NHSL1: variants seen among roughly 807,000 people sequenced by gnomAD.
NHSL1 encodes NHS-like protein 1.
Under a neutral mutation model 95.0 loss-of-function variants are expected in NHSL1, and 48 were observed. The ratio of observed to expected loss-of-function variants is 0.51; its 90% confidence interval spans 0.40 to 0.64. The LOEUF is 0.64. Ranked by LOEUF, NHSL1 falls within the 30% of genes least tolerant of loss-of-function variation. NHSL1 has a pLI of 0.00. For synonymous variants in NHSL1, 783 were observed against 833.9 expected (o/e 0.94, Z 1.05); for missense variants, 1,971 against 2,077.7 (o/e 0.95, Z 1.00).
chr6:138,581,805 TCTTA>T (rs1212636718), intron 1 of NHSL1, among the ~76,000 whole-genome samples: 18 of 151,492 alleles, frequency 1.2e-4, no homozygotes, highest in Admixed American at 7.9e-4. Context: ...GGCCTCAGGC[TCTTA>T]CTTTCTGAAT....
intron 1 of NHSL1, among the ~76,000 whole-genome samples, chr6:138,532,661 T>A (rs539060243): frequency 6.6e-6 from 1 of 152,306 alleles, no homozygotes; most frequent in East Asian, 1.9e-4. Flanking sequence ...CACTTCTATT[T>A]ATTAGATGGC....
chr6:138,470,263 T>G (rs1321335648), intron 3 of NHSL1, among the ~76,000 whole-genome samples: 1 of 152,114 alleles, frequency 6.6e-6, no homozygotes, highest in East Asian at 1.9e-4. Flanking sequence ...TCAAAATACT[T>G]TTACCCGAGA....
intron 1 of NHSL1, among the ~76,000 whole-genome samples, chr6:138,622,364 C>T (rs979885319): frequency 6.6e-6 from 1 of 151,860 alleles, no homozygotes; most frequent in Non-Finnish European, 1.5e-5. Context: ...AATAGCCGGG[C>T]GTGGCCGCAT....
chr6:138,529,350 C>T (rs1485963138), intron 1 of NHSL1, among the ~76,000 whole-genome samples: 1 of 152,228 alleles, frequency 6.6e-6, no homozygotes, highest in Non-Finnish European at 1.5e-5. Context: ...TCCTGTCCCT[C>T]AACTCCATTT....
intron 1 of NHSL1, among the ~76,000 whole-genome samples, chr6:138,567,772 C>T (rs931903532): frequency 2.6e-5 from 4 of 152,098 alleles, no homozygotes; most frequent in African/African-American, 9.7e-5. Context: ...AGGGAGGACA[C>T]TGACATTCAA....
chr6:138,491,782 T>C (rs1341397621), intron 2 of NHSL1, among the ~76,000 whole-genome samples: 1 of 152,176 alleles, frequency 6.6e-6, no homozygotes, highest in African/African-American at 2.4e-5. Context: ...CAGAAATGTT[T>C]CCGATTTGGG....
At chr6:138,668,365 C>A (rs969975239) in intron 1 of NHSL1, among the ~76,000 whole-genome samples, 25 of 152,138 alleles carry the variant, frequency 1.6e-4, no homozygotes, top group Admixed American at 6.5e-4. Flanking sequence ...ATCGCTTGAA[C>A]CTGGGAGGCG....
intron 3 of NHSL1, among the ~76,000 whole-genome samples, chr6:138,461,656 G>A (rs972021305): frequency 1.8e-4 from 27 of 152,170 alleles, no homozygotes; most frequent in African/African-American, 6.5e-4. Context: ...ATAAAAGTTT[G>A]TTTGGAGGGG....
chr6:138,492,297 T>C (rs1780125102), intron 2 of NHSL1, among the ~76,000 whole-genome samples: 1 of 152,222 alleles, frequency 6.6e-6, no homozygotes, highest in Non-Finnish European at 1.5e-5. Context: ...CCTCTCTCCC[T>C]GTGTGTACAA....
upstream of NHSL1, among the ~76,000 whole-genome samples, chr6:138,550,430 G>A (rs1782959053): frequency 6.6e-6 from 1 of 152,150 alleles, no homozygotes; most frequent in African/African-American, 2.4e-5. Context: ...CTTTGTGAAA[G>A]GGAGTAGGTC....
chr6:138,669,764 G>C (rs1302730189), intron 1 of NHSL1, among the ~76,000 whole-genome samples: 1 of 152,164 alleles, frequency 6.6e-6, no homozygotes, highest in Non-Finnish European at 1.5e-5. Context: ...GGCCTTACCA[G>C]CCAGCTAAGA....
chr6:138,679,053 A>C (rs1785481684), intron 1 of NHSL1, among the ~76,000 whole-genome samples: 2 of 152,240 alleles, frequency 1.3e-5, no homozygotes, highest in South Asian at 4.1e-4. Context: ...CAACATTTAG[A>C]ATAAGAGGAG....
intron 1 of NHSL1, among the ~76,000 whole-genome samples, chr6:138,565,502 G>C (rs959551437): frequency 3.9e-5 from 6 of 152,180 alleles, no homozygotes; most frequent in African/African-American, 1.4e-4. Context: ...GAGGACAGAA[G>C]ATCATTTAGA....
intron 2 of NHSL1, among the ~76,000 whole-genome samples, chr6:138,488,867 A>C (rs764660960): frequency 6.6e-6 from 1 of 152,206 alleles, no homozygotes. Flanking sequence ...ATGCGTGAGC[A>C]CCAGGAACCC....
exon 1 of NHSL1, chr6:138,545,685 C>G (rs1213094248): frequency 7.8e-7 from 1 of 1,288,738 alleles, no homozygotes. Flanking sequence ...TCTGATGAAG[C>G]CTGCAGTGCT....
At chr6:138,449,016 C>T (rs916330153) in intron 3 of NHSL1, among the ~76,000 whole-genome samples, 2 of 147,642 alleles carry the variant, frequency 1.4e-5, no homozygotes, top group Non-Finnish European at 3.0e-5. Flanking sequence ...CGCACCATTG[C>T]GCCCCAGCCT....
intron 1 of NHSL1, among the ~76,000 whole-genome samples, chr6:138,592,045 C>T (rs993433156): frequency 1.1e-4 from 16 of 152,048 alleles, no homozygotes; most frequent in African/African-American, 3.9e-4. Flanking sequence ...GGGTTTTTTG[C>T]TCAATTATTC....
intron 1 of NHSL1, 29 bp downstream of exon 1, chr6:138,499,204 A>G (rs747556875): frequency 1.3e-5 from 18 of 1,391,578 alleles, no homozygotes; most frequent in African/African-American, 4.3e-5. Flanking sequence ...TGCACACAAT[A>G]GGTAGTAGAG....
chr6:138,671,872 A>G (rs1370197437), intron 1 of NHSL1, among the ~76,000 whole-genome samples: 1 of 152,188 alleles, frequency 6.6e-6, no homozygotes, highest in Non-Finnish European at 1.5e-5. Flanking sequence ...TTAACGCTAT[A>G]CACACTGAAT....
Sources: gnomAD v4.1 joint callset for allele counts (sites outside exome capture counted in the v4.1 genomes callset) on GRCh38, gnomAD v4.1.1 for gene constraint, MANE v1.5 for transcripts, NCBI Gene and HGNC (gene_info 2026-07-23, HGNC 2026-07-21) for gene names.